PHKB: variants seen among roughly 807,000 people sequenced by gnomAD.
PHKB encodes phosphorylase b kinase regulatory subunit beta.
PHKB carries 122 observed loss-of-function variants against 152.1 expected under a neutral mutation model. The ratio of observed to expected loss-of-function variants is 0.80; its 90% confidence interval spans 0.69 to 0.93. PHKB has a LOEUF of 0.93. PHKB is among the 40% of genes least tolerant of loss of function. The pLI is 0.00. For synonymous variants in PHKB, 436 were observed against 464.9 expected (o/e 0.94, Z 0.80); for missense variants, 1,304 against 1,328.4 (o/e 0.98, Z 0.29).
rs556975111 is a variant in PHKB at position 47,620,142 on chromosome 16, G to GT, written c.1458+9228dup. Among the ~76,000 whole-genome samples the GT allele has an allele frequency of 1.2e-3, 180 of 152,156 alleles. 1 individual carries two copies. Among genetic ancestry groups the GT allele is most frequent in the African/African-American group, 4.1e-3 (172 of 41,512 alleles). On this transcript the variant is annotated intron_variant, in intron 14 of 30. Transcript: ENST00000323584. ...TTAAACCAATTTAAGAAAAATTGAT[G>GT]TTTTTTCTCAAAATAGATGTTGTTG...
At chr16:47,543,117 G>A (rs1326391493) in intron 6 of PHKB, among the ~76,000 whole-genome samples, 1 of 152,164 alleles carries the variant, frequency 6.6e-6, no homozygotes, top group Non-Finnish European at 1.5e-5. Context: ...TGCCCATTCA[G>A]TGTGATATTG....
chr16:47,632,201 A>G (rs1275783480), intron 14 of PHKB, among the ~76,000 whole-genome samples: 3 of 152,174 alleles, frequency 2.0e-5, no homozygotes, highest in African/African-American at 7.2e-5. Flanking sequence ...CCTCTGAATG[A>G]TTTAGTTTGA....
intron 3 of PHKB, among the ~76,000 whole-genome samples, chr16:47,501,692 A>T (rs1160237298): frequency 6.6e-6 from 1 of 152,232 alleles, no homozygotes; most frequent in Non-Finnish European, 1.5e-5. Flanking sequence ...CTTATTCATT[A>T]TAGCATCCTT....
At chr16:47,555,189 C>A (rs916983733) in intron 7 of PHKB, among the ~76,000 whole-genome samples, 1 of 152,126 alleles carries the variant, frequency 6.6e-6, no homozygotes, top group Non-Finnish European at 1.5e-5. Context: ...TTTTCTTCAT[C>A]GAACTATGAT....
At chr16:47,577,247 T>G (rs1971765194) in intron 7 of PHKB, among the ~76,000 whole-genome samples, 1 of 152,132 alleles carries the variant, frequency 6.6e-6, no homozygotes, top group Non-Finnish European at 1.5e-5. Flanking sequence ...CATCATTTTA[T>G]TAGTTCAAAT....
chr16:47,482,831 C>T (rs1969985858), intron 1 of PHKB, among the ~76,000 whole-genome samples: 1 of 149,986 alleles, frequency 6.7e-6, no homozygotes, highest in South Asian at 2.1e-4. Flanking sequence ...AGCGATTCTC[C>T]CACCTCAGCC....
chr16:47,547,145 G>T (rs1457673472), intron 6 of PHKB, among the ~76,000 whole-genome samples: 2 of 152,188 alleles, frequency 1.3e-5, no homozygotes, highest in East Asian at 3.9e-4. Flanking sequence ...AGGTGAACCG[G>T]TTATCTCAGT....
At chr16:47,585,393 G>A (rs1312978756) in intron 8 of PHKB, among the ~76,000 whole-genome samples, 1 of 152,224 alleles carries the variant, frequency 6.6e-6, no homozygotes, top group Admixed American at 6.5e-5. Context: ...GTTATGCAAA[G>A]TGTTCAAAGC....
chr16:47,471,389 G>A (rs866928230), intron 1 of PHKB, among the ~76,000 whole-genome samples: 16 of 152,280 alleles, frequency 1.1e-4, no homozygotes, highest in African/African-American at 3.6e-4. Context: ...TTGAAGCAGT[G>A]GAGTTGTAAG....
intron 7 of PHKB, among the ~76,000 whole-genome samples, chr16:47,564,891 A>G (rs1261848531): frequency 6.6e-6 from 1 of 151,192 alleles, no homozygotes; most frequent in Admixed American, 6.6e-5. Flanking sequence ...GCTTTGCTAA[A>G]GATGAGTTGG....
chr16:47,679,893 A>G (rs1004925510), intron 26 of PHKB, among the ~76,000 whole-genome samples: 3 of 152,160 alleles, frequency 2.0e-5, no homozygotes, highest in Non-Finnish European at 4.4e-5. Context: ...TCAGTATGAT[A>G]TTGGCTGTGG....
intron 26 of PHKB, among the ~76,000 whole-genome samples, chr16:47,673,461 A>C (rs900923785): frequency 6.6e-5 from 10 of 152,188 alleles, no homozygotes; most frequent in Non-Finnish European, 1.5e-4. Flanking sequence ...CATGTCCTTC[A>C]GGAAATGACC....
intron 13 of PHKB, among the ~76,000 whole-genome samples, chr16:47,606,408 G>A (rs536936643): frequency 2.0e-5 from 3 of 152,196 alleles, no homozygotes; most frequent in East Asian, 3.9e-4. Flanking sequence ...TTATACATGG[G>A]TACATTTATA....
chr16:47,663,350 A>G (rs1340749751), intron 23 of PHKB, among the ~76,000 whole-genome samples: 1 of 152,182 alleles, frequency 6.6e-6, no homozygotes, highest in African/African-American at 2.4e-5. Flanking sequence ...TTATTTTACT[A>G]TATTCTCTTT....
At chr16:47,574,640 A>G (rs550072044) in intron 7 of PHKB, among the ~76,000 whole-genome samples, 3 of 152,346 alleles carry the variant, frequency 2.0e-5, no homozygotes, top group Admixed American at 6.5e-5. Flanking sequence ...ACTGGAGTAT[A>G]GAAATCACAT....
chr16:47,565,171 AT>A, intron 7 of PHKB: 1 of 571,572 alleles, frequency 1.7e-6, no homozygotes, highest in Non-Finnish European at 3.4e-6. Flanking sequence ...TGGAAGCTAG[AT>A]TTTCCTTGGG....
intron 26 of PHKB, among the ~76,000 whole-genome samples, chr16:47,677,770 ATTT>A (rs575931158): frequency 6.9e-5 from 10 of 144,158 alleles, no homozygotes; most frequent in African/African-American, 2.3e-4. Flanking sequence ...AAATCATCTA[ATTT>A]TTTTTTTTTT....
chr16:47,627,493 A>G (rs931902999), intron 14 of PHKB, among the ~76,000 whole-genome samples: 2 of 152,250 alleles, frequency 1.3e-5, no homozygotes, highest in Admixed American at 6.5e-5. Flanking sequence ...GCAGTCATTG[A>G]AAGAACTGCT....
chr16:47,545,724 C>T (rs111840131), intron 6 of PHKB, among the ~76,000 whole-genome samples: 15,151 of 152,252 alleles, frequency 0.1, 1,631 homozygotes, highest in African/African-American at 0.27. Context: ...CTTTCAGGTA[C>T]ACGAATCAAA....
Sources: gnomAD v4.1 joint callset for allele counts (sites outside exome capture counted in the v4.1 genomes callset) on GRCh38, gnomAD v4.1.1 for gene constraint, MANE v1.5 for transcripts, NCBI Gene and HGNC (gene_info 2026-07-23, HGNC 2026-07-21) for gene names.